Variants in PRORP observed in about 807,000 individuals in gnomAD.
PRORP encodes the protein mitochondrial ribonuclease P catalytic subunit.
Under a neutral mutation model 59.4 loss-of-function variants are expected in PRORP, and 51 were observed. The observed-to-expected ratio is 0.86, with a 90% CI of 0.69 to 1.08. The LOEUF (loss-of-function observed/expected upper bound fraction) is 1.08. Among genes scored for constraint, PRORP ranks in the 50% least tolerant of loss-of-function variants. The probability of loss-of-function intolerance (pLI) is 0.00; values close to 1 mark genes in which losing one functional copy is unlikely to be tolerated. For missense variants in PRORP, 646 were observed against 690.3 expected (o/e 0.94, Z 0.72); for synonymous variants, 231 against 245.6 (o/e 0.94, Z 0.55).
intron 4 of PRORP, among the ~76,000 whole-genome samples, chr14:35,171,696 T>C (rs2415271): frequency 0.18 from 28,040 of 152,122 alleles, 2,841 homozygotes; most frequent in Admixed American, 0.27. Context: ...ATGTATTTCA[T>C]CAAATTTGGG....
intron 4 of PRORP, among the ~76,000 whole-genome samples, chr14:35,135,774 A>G (rs761878027): frequency 6.6e-5 from 10 of 152,078 alleles, no homozygotes; most frequent in Admixed American, 6.6e-5. Context: ...CCTGGGCAAT[A>G]TGGGAAAACC....
rs1040650051 is a variant in PRORP, at chr14:35,179,727, TTC to T, written c.1168-938_1168-937del. Among the ~76,000 whole-genome samples the T allele has an allele frequency of 2.8e-4, 43 of 152,248 alleles. 1 individual carries two copies. Among genetic ancestry groups the T allele is most frequent in the African/African-American group, 1.0e-3 (42 of 41,470 alleles). On this transcript the variant is annotated intron_variant, in intron 4 of 7. Transcript: ENST00000534898. ...AGAAGTTTGATCGTCTGAAGCCTTC[TTC>T]TCTCAACTCATCAAAGTCATCGCAA...
At chr14:35,272,349 A>C (rs999624889) in intron 7 of PRORP, among the ~76,000 whole-genome samples, 1 of 152,182 alleles carries the variant, frequency 6.6e-6, no homozygotes, top group African/African-American at 2.4e-5. Flanking sequence ...GCAGTGGCTC[A>C]CTTGTGTAAT....
intron 4 of PRORP, among the ~76,000 whole-genome samples, chr14:35,154,439 T>G (rs1026126598): frequency 1.3e-5 from 2 of 152,160 alleles, no homozygotes; most frequent in African/African-American, 4.8e-5. Context: ...GCACTACTTT[T>G]TAGCTATAGG....
At chr14:35,228,429 G>A (rs1479913464) in intron 5 of PRORP, among the ~76,000 whole-genome samples, 1 of 152,162 alleles carries the variant, frequency 6.6e-6, no homozygotes, top group Non-Finnish European at 1.5e-5. Context: ...GTACCCAATA[G>A]TTAGTGTTTT....
intron 4 of PRORP, among the ~76,000 whole-genome samples, chr14:35,161,657 CCTTT>C (rs2048063282): frequency 1.3e-5 from 2 of 151,678 alleles, no homozygotes; most frequent in African/African-American, 2.4e-5. Flanking sequence ...TGCCTTTTGC[CCTTT>C]CTTTGAGCTA....
At chr14:35,172,453 C>CTTCCTTCCTTCCTTCCTTCTTTCTTTCT in intron 4 of PRORP, among the ~76,000 whole-genome samples, 1 of 46,702 alleles carries the variant, frequency 2.1e-5, no homozygotes. Flanking sequence ...TCCTTCCTTC[C>CTTCCTTCCTTCCTTCCTTCTTTCTTTCT]TTCTTTCTTT....
chr14:35,229,421 T>A (rs1168687867), intron 5 of PRORP, among the ~76,000 whole-genome samples: 5 of 152,154 alleles, frequency 3.3e-5, no homozygotes, highest in Non-Finnish European at 5.9e-5. Context: ...ATTTCTATAG[T>A]TTGAGGTTTT....
rs2047928940 is a variant in PRORP at position 35,156,948 on chromosome 14, TTTTTTCTTTTC to T, written c.1168-23716_1168-23706del. 2.4e-5 allele frequency among the ~76,000 whole-genome samples: 3 copies of T among 126,144 alleles called. No individual in the cohort carries two copies. The South Asian group carries it at 7.5e-4, about 32-fold the overall frequency. 82.8% of individuals were successfully genotyped at this position (126,144 alleles called of 152,430 possible). A position where few individuals can be genotyped will look rare whatever the true frequency, so the allele number is the denominator to read the frequency against. Reference sequence around the variant, plus strand: ...CTAATAATGGTAGTTCATTTTTTTCTTTTTTCTTTTCTTTTTTTTTTTTTTGAGACGGAATC... The same window carrying T: ...CTAATAATGGTAGTTCATTTTTTTCTTTTTTTTTTTTTTTGAGACGGAATC... On this transcript the variant is annotated intron_variant, in intron 4 of 7. Coordinates refer to ENST00000534898, the MANE Select transcript of PRORP (RefSeq NM_014672.4).
At chr14:35,193,325 A>G (rs536674194) in intron 5 of PRORP, among the ~76,000 whole-genome samples, 13 of 152,360 alleles carry the variant, frequency 8.5e-5, no homozygotes, top group Non-Finnish European at 1.5e-4. Context: ...GAATGCTTTC[A>G]TTCTTATAGC....
intron 2 of PRORP, among the ~76,000 whole-genome samples, chr14:35,126,236 G>C (rs1018475261): frequency 4.6e-5 from 7 of 151,822 alleles, no homozygotes; most frequent in Non-Finnish European, 1.0e-4. Flanking sequence ...AAGGAGGAAA[G>C]GATACATTGA....
chr14:35,196,832 G>C (rs2049021578), intron 5 of PRORP, among the ~76,000 whole-genome samples: 1 of 152,148 alleles, frequency 6.6e-6, no homozygotes, highest in Non-Finnish European at 1.5e-5. Flanking sequence ...TGACTGCTGG[G>C]ATCGTCTGCA....
chr14:35,238,123 C>T (rs2050267614), intron 5 of PRORP, among the ~76,000 whole-genome samples: 1 of 151,706 alleles, frequency 6.6e-6, no homozygotes, highest in Admixed American at 6.6e-5. Flanking sequence ...TGTGCTTAAA[C>T]AATCCTATGA....
At position 35,172,471 on chromosome 14, in the gene PRORP, C is replaced by G. The variant is rs58149334; in HGVS notation, c.1168-8199C>G. Among the ~76,000 whole-genome samples the G allele has an allele frequency of 1.2e-3, 43 of 37,134 alleles. 1 individual carries two copies. The highest frequency in any genetic ancestry group is 4.6e-3 in the African/African-American group (42 of 9,072). 24.4% of individuals were successfully genotyped at this position (37,134 alleles called of 152,430 possible). A position where few individuals can be genotyped will look rare whatever the true frequency, so the allele number is the denominator to read the frequency against. ...TTCCTTCCTTCTTTCTTTCTTTCCC[C>G]TCTTTCCTTTCTTTCCCTTCCTCTC... is the stretch of plus-strand genomic sequence containing the variant. On this transcript the variant is annotated intron_variant, in intron 4 of 7. Transcript: ENST00000534898.
Position 35,273,689 on chromosome 14 carries a change from G to A in PRORP, c.*123G>A. On this transcript the variant is annotated 3_prime_UTR_variant, in exon 8 of 8. Transcript: ENST00000534898. The stretch of plus-strand genomic sequence containing the variant: ...TGAAGATAAAAGGATTCTATTAACA[G>A]CATTGACATTGATTTTTTAATGAAA... 2.5e-6 allele frequency: 2 copies of A among 798,910 alleles called. No homozygotes were observed. The allele number at this position is 798,910 out of a possible 1,614,324, so 49.5% of individuals were successfully genotyped here. A position where few individuals can be genotyped will look rare whatever the true frequency, so the allele number is the denominator to read the frequency against.
chr14:35,152,763 C>T (rs918827342), intron 4 of PRORP, among the ~76,000 whole-genome samples: 5 of 151,700 alleles, frequency 3.3e-5, no homozygotes, highest in Admixed American at 6.6e-5. Context: ...GGGTGGCGGC[C>T]GGGCAGAGGC....
intron 4 of PRORP, among the ~76,000 whole-genome samples, chr14:35,165,257 C>A (rs922069325): frequency 6.6e-6 from 1 of 152,144 alleles, no homozygotes; most frequent in African/African-American, 2.4e-5. Context: ...TGGCAATCTT[C>A]CTGCCTCAGC....
At chr14:35,178,287 C>G (rs1223323331) in intron 4 of PRORP, among the ~76,000 whole-genome samples, 2 of 152,118 alleles carry the variant, frequency 1.3e-5, no homozygotes, top group Non-Finnish European at 2.9e-5. Context: ...AGTTCAATTC[C>G]TGGATATCCT....
intron 5 of PRORP, among the ~76,000 whole-genome samples, chr14:35,192,389 G>A (rs2048905735): frequency 6.6e-6 from 1 of 152,142 alleles, no homozygotes; most frequent in Non-Finnish European, 1.5e-5. Context: ...GCCAAGTCTA[G>A]CCCAGGAACT....
Sources: allele counts gnomAD v4.1 joint callset (sites outside exome capture counted in the v4.1 genomes callset), GRCh38; gene constraint gnomAD v4.1.1; transcripts MANE v1.5; gene names NCBI Gene and HGNC (gene_info 2026-07-23, HGNC 2026-07-21).